ZFYVE26: variants seen among roughly 807,000 people sequenced by gnomAD.
ZFYVE26 encodes the protein zinc finger FYVE-type containing 26.
In ZFYVE26, 181 loss-of-function variants were observed where a neutral mutation model predicts 276.5. The ratio of observed to expected loss-of-function variants is 0.65; its 90% CI spans 0.58 to 0.74. ZFYVE26 has a LOEUF of 0.74. ZFYVE26 is among the 30% of genes least tolerant of loss of function. The pLI, the probability that ZFYVE26 is intolerant of heterozygous loss-of-function variation, is 0.00. For synonymous variants in ZFYVE26, 1,129 were observed against 1,203.1 expected, an observed-to-expected ratio of 0.94 and a Z score of 1.27; for missense variants, 2,821 against 3,097.9, an observed-to-expected ratio of 0.91 and a Z score of 2.12.
chr14:67,798,341 G>A lies in ZFYVE26; in HGVS notation c.1921C>T (p.Leu641Phe), dbSNP rs1303296408. The A allele has an allele frequency of 6.2e-7, 1 of 1,611,082 alleles. No individual in the cohort carries two copies. Among genetic ancestry groups the A allele is most frequent in the Non-Finnish European group, 8.5e-7 (1 of 1,178,442 alleles). ...ERGSLGVPKT[L>F]AYTMPSHVKA... The stretch of plus-strand genomic sequence containing the variant: ...ACATGGCTTGGCATTGTATAAGCAA[G>A]GGTCTTTGGGACTCCCAGGGAACCC... Residue 641 changes from leucine (L) to phenylalanine (F), a missense_variant, in exon 11 of 42, where the codon CTT (leucine) becomes TTT (phenylalanine). Leu to Phe is a conservative substitution (Grantham distance 22). Transcript: ENST00000347230.
At position 67,757,730 on chromosome 14, in the gene ZFYVE26, T is replaced by C. The variant is rs191103701; in HGVS notation, c.6589-1585A>G. 2.8e-4 allele frequency among the ~76,000 whole-genome samples: 43 copies of C among 152,022 alleles called. No individual in the cohort carries two copies. In the East Asian group the frequency reaches 8.1e-3, roughly 29 times the overall value. ...CTCTCTCTTTCTTTCTTTTTCTTTT[T>C]TTAAGACAGAATCTCACTCTGTAAC... On this transcript the variant is annotated intron_variant, in intron 35 of 41. Transcript: ENST00000347230.
chr14:67,758,625 T>TTTTATTTA (rs145025077), intron 35 of ZFYVE26, among the ~76,000 whole-genome samples: 8 of 150,168 alleles, frequency 5.3e-5, no homozygotes, highest in East Asian at 2.0e-4. Context: ...ATAAATAGAA[T>TTTTATTTA]TTTATTTATT....
At chr14:67,774,557 G>T (rs1437030324) in intron 27 of ZFYVE26, among the ~76,000 whole-genome samples, 1 of 152,048 alleles carries the variant, frequency 6.6e-6, no homozygotes, top group African/African-American at 2.4e-5. Context: ...GGTAGTGCCA[G>T]AAGCTCAGTG....
intron 37 of ZFYVE26, among the ~76,000 whole-genome samples, chr14:67,754,496 C>G (rs2038727913): frequency 6.6e-6 from 1 of 152,164 alleles, no homozygotes; most frequent in African/African-American, 2.4e-5. Flanking sequence ...GGTACAATAA[C>G]AGAGGTCAAG....
At position 67,752,366 on chromosome 14, in the gene ZFYVE26, GCTT is replaced by G; in HGVS notation, c.7346_7348del (p.Glu2449del). ...TACCTGGGGCGGAATTCTCTTGAAC[GCTT>G]CCAGGCAGTTGAGGAGGATGGTGTC... On this transcript the variant is annotated inframe_deletion, in exon 40 of 42. Coordinates refer to ENST00000347230, the MANE Select transcript of ZFYVE26 (RefSeq NM_015346.4). 1 of 1,611,672 alleles carries G rather than the reference GCTT, an allele frequency of 6.2e-7. No individual in the cohort carries two copies. Among genetic ancestry groups the G allele is most frequent in the East Asian group, 2.2e-5 (1 of 44,818 alleles).
intron 14 of ZFYVE26, among the ~76,000 whole-genome samples, chr14:67,792,281 A>C (rs2039834493): frequency 6.6e-6 from 1 of 152,196 alleles, no homozygotes; most frequent in Admixed American, 6.5e-5. Context: ...TAAACTACCA[A>C]ATACTTTACT....
intron 15 of ZFYVE26, 48 bp downstream of exon 15, chr14:67,790,524 C>T: frequency 1.9e-6 from 3 of 1,600,524 alleles, no homozygotes; most frequent in African/African-American, 1.3e-5. Flanking sequence ...CCTTTTACCC[C>T]CTCTCCCAGC....
At chr14:67,766,536 C>T (rs1463457757) in intron 31 of ZFYVE26, 89 bp from the exon 32 acceptor site, 3 of 1,278,710 alleles carry the variant, frequency 2.3e-6, no homozygotes, top group African/African-American at 2.9e-5. Context: ...AATTATCCTT[C>T]CCCTTTCAAA....
chr14:67,809,214 C>T lies in ZFYVE26; in HGVS notation c.349G>A (p.Glu117Lys). ...LSEDLQGDIPENILEELYETL... is the reference protein window; with the variant it reads ...LSEDLQGDIPKNILEELYETL... ...CTCTCTCTCACCTCGAGGATGTTCT[C>T]TGGAATGTCACCTTGGAGGTCTTCT... The change falls in exon 4 of 42, where the codon GAG becomes AAG. Residue 117 changes from glutamate to lysine, a missense_variant. Glu to Lys is a moderately conservative substitution (Grantham distance 56). Transcript: ENST00000347230. 1.2e-6 allele frequency: 2 copies of T among 1,614,052 alleles called. No individual in the cohort carries two copies. The highest frequency in any genetic ancestry group is 1.7e-6 in the Non-Finnish European group (2 of 1,179,998).
At chr14:67,778,463 C>G in intron 23 of ZFYVE26, 1 of 575,122 alleles carries the variant, frequency 1.7e-6, no homozygotes, top group Non-Finnish European at 3.1e-6. Flanking sequence ...CACTTGGTGT[C>G]AACCCTGGGA....
chr14:67,814,842 G>A (rs974284389), intron 2 of ZFYVE26, among the ~76,000 whole-genome samples: 1 of 152,170 alleles, frequency 6.6e-6, no homozygotes, highest in Non-Finnish European at 1.5e-5. Flanking sequence ...AGGAGAAAAA[G>A]AAAAGGAAGG....
intron 39 of ZFYVE26, 139 bp from the exon 40 acceptor site, chr14:67,752,665 C>A: frequency 2.1e-6 from 2 of 972,200 alleles, no homozygotes; most frequent in Admixed American, 2.0e-5. Context: ...CATAAATATA[C>A]CAAACAAAAA....
chr14:67,807,841 C>G lies in ZFYVE26; in HGVS notation c.443G>C (p.Arg148Pro), dbSNP rs144919978. 1.4e-4 allele frequency: 220 copies of G among 1,613,894 alleles called. 1 individual carries two copies. In the East Asian group the frequency reaches 3.4e-3, roughly 25 times the overall value. ...CACAGAGACAGCTTCGGAGCTGAGA[C>G]GAGGAGTCCAGCTCTCCCTCCTTGG... ...GNPRRESWTPRLSSEAVSVLW... is the reference protein window; with the variant it reads ...GNPRRESWTPPLSSEAVSVLW... The change falls in exon 5 of 42, where the codon CGT becomes CCT. Residue 148 changes from arginine to proline, a missense_variant. Coordinates refer to ENST00000347230, the MANE Select transcript of ZFYVE26 (RefSeq NM_015346.4).
At chr14:67,744,283 G>A (rs1179359729), downstream of ZFYVE26, among the ~76,000 whole-genome samples, 7 of 152,132 alleles carry the variant, frequency 4.6e-5, 1 homozygote, top group South Asian at 8.3e-4. Flanking sequence ...TTTAGAGTGG[G>A]TGTTCCAACT....
chr14:67,745,321 G>C (rs1021394328), downstream of ZFYVE26, among the ~76,000 whole-genome samples: 1 of 151,992 alleles, frequency 6.6e-6, no homozygotes, highest in African/African-American at 2.4e-5. Flanking sequence ...TTGTCAGATG[G>C]ATAGATTTAA....
chr14:67,781,902 TC>T (rs2039510313), intron 21 of ZFYVE26, among the ~76,000 whole-genome samples: 1 of 152,218 alleles, frequency 6.6e-6, no homozygotes, highest in East Asian at 1.9e-4. Context: ...ACTTTCCTTT[TC>T]CCTGTAATTT....
Position 67,772,211 on chromosome 14 carries a change from C to G in ZFYVE26, c.5321-1G>C. The stretch of plus-strand genomic sequence containing the variant: ...CTAGGGGAATGTATACTGGAGATAC[C>G]TGGGAGGCAGAGCCAGAGGTCAGAG... On this transcript the variant is annotated splice_acceptor_variant, in intron 27 of 41. Coordinates refer to ENST00000347230, the MANE Select transcript of ZFYVE26 (RefSeq NM_015346.4). LOFTEE classifies it high-confidence loss of function. The G allele has an allele frequency of 6.2e-7, 1 of 1,612,288 alleles. No individual in the cohort carries two copies. Among genetic ancestry groups the G allele is most frequent in the Non-Finnish European group, 8.5e-7 (1 of 1,179,384 alleles).
At chr14:67,732,020 A>G (rs950872094) in intron 13 of ZFYVE26, among the ~76,000 whole-genome samples, 4 of 151,236 alleles carry the variant, frequency 2.6e-5, no homozygotes, top group African/African-American at 9.7e-5. Flanking sequence ...CCAGCCACTC[A>G]GGAGGCTGAG....
downstream of ZFYVE26, among the ~76,000 whole-genome samples, chr14:67,746,229 G>A (rs917665284): frequency 6.6e-6 from 1 of 152,010 alleles, no homozygotes; most frequent in Non-Finnish European, 1.5e-5. Context: ...GGACAGGGTG[G>A]AAGGGACTTT....
Sources: gnomAD v4.1 joint callset for allele counts (sites outside exome capture counted in the v4.1 genomes callset) on GRCh38, gnomAD v4.1.1 for gene constraint, MANE v1.5 for transcripts, NCBI Gene and HGNC (gene_info 2026-07-23, HGNC 2026-07-21) for gene names.